The following ADAMTSL1 variants were observed in gnomAD, a reference collection of about 807,000 sequenced individuals.
ADAMTSL1 encodes the protein ADAMTS-like protein 1.
Under a neutral mutation model 201.8 loss-of-function variants are expected in ADAMTSL1, and 126 were observed. The observed-to-expected ratio is 0.62, with a 90% CI of 0.54 to 0.72. The LOEUF (loss-of-function observed/expected upper bound fraction) is 0.72, where lower values mean the gene tolerates loss of function less well. ADAMTSL1 is among the 30% of genes least tolerant of loss of function. The pLI is 0.00. For missense variants in ADAMTSL1, 2,679 were observed against 2,277.8 expected (o/e 1.18, Z -3.59); for synonymous variants, 1,121 against 903.4 (o/e 1.24, Z -4.32).
chr9:17,947,484 T>C (rs1331045124), intron 1 of ADAMTSL1, among the ~76,000 whole-genome samples: 1 of 152,094 alleles, frequency 6.6e-6, no homozygotes, highest in Admixed American at 6.6e-5. Context: ...TAGGATGCTG[T>C]ATTCTACCAA....
At chr9:18,714,828 A>G (rs931908342) in intron 14 of ADAMTSL1, among the ~76,000 whole-genome samples, 1 of 151,814 alleles carries the variant, frequency 6.6e-6, no homozygotes, top group Non-Finnish European at 1.5e-5. Flanking sequence ...TCCTTGATGA[A>G]CATTGATGCA....
chr9:18,705,463 T>C (rs1030699405), intron 13 of ADAMTSL1, among the ~76,000 whole-genome samples: 2 of 152,152 alleles, frequency 1.3e-5, no homozygotes, highest in African/African-American at 4.8e-5. Flanking sequence ...GAGGACATTT[T>C]TGGAGATTTG....
At chr9:18,483,576 C>G (rs10810973) in intron 1 of ADAMTSL1, among the ~76,000 whole-genome samples, 89,575 of 152,012 alleles carry the variant, frequency 0.59, 26,711 homozygotes, top group African/African-American at 0.67. Context: ...ACCTGTAATC[C>G]CAGCACTTTG....
intron 17 of ADAMTSL1, among the ~76,000 whole-genome samples, chr9:18,772,696 A>G (rs984471384): frequency 6.6e-6 from 1 of 152,228 alleles, no homozygotes; most frequent in Non-Finnish European, 1.5e-5. Flanking sequence ...TGTGCCTACT[A>G]AAAGTGAACC....
chr9:18,474,065 C>A (rs1821328305), upstream of ADAMTSL1: 1 of 586,188 alleles, frequency 1.7e-6, no homozygotes, highest in Non-Finnish European at 3.0e-6. Flanking sequence ...TTCAGCTTAC[C>A]CCCCACCCAT....
intron 7 of ADAMTSL1, among the ~76,000 whole-genome samples, chr9:18,655,806 T>TAAAAAAAAAAAAAAAAAAAAAAAAA (rs56662538): frequency 2.0e-4 from 16 of 81,844 alleles, no homozygotes; most frequent in Non-Finnish European, 2.3e-4. Context: ...TTTGTGAGCT[T>TAAAAAAAAAAAAAAAAAAAAAAAAA]AAAAAAAAAA....
intron 1 of ADAMTSL1, among the ~76,000 whole-genome samples, chr9:18,131,850 T>A (rs977624062): frequency 2.0e-5 from 3 of 152,128 alleles, no homozygotes; most frequent in Admixed American, 2.0e-4. Context: ...TCCCTAAGGT[T>A]TCTTCATCTA....
intron 1 of ADAMTSL1, among the ~76,000 whole-genome samples, chr9:18,136,245 TTAAG>T (rs1440499272): frequency 6.6e-6 from 1 of 152,178 alleles, no homozygotes; most frequent in African/African-American, 2.4e-5. Context: ...GAGAGTCTAA[TTAAG>T]AACGTCAGAG....
At chr9:18,618,552 G>A (rs1267352841) in intron 4 of ADAMTSL1, among the ~76,000 whole-genome samples, 3 of 150,476 alleles carry the variant, frequency 2.0e-5, no homozygotes, top group Non-Finnish European at 3.0e-5. Flanking sequence ...AATAATAGTG[G>A]CTTAGACACA....
rs1824413909 is a variant in ADAMTSL1, at chr9:18,099,372, T to TA, written c.88-64488dup. 3.1e-5 allele frequency among the ~76,000 whole-genome samples: 4 copies of TA among 128,740 alleles called. No homozygotes were observed. In the East Asian group the frequency reaches 6.6e-4, roughly 21 times the overall value. 84.5% of individuals were successfully genotyped at this position (128,740 alleles called of 152,430 possible). Reference sequence around the variant, plus strand: ...ATATATATATTTTTTTTTTTTTTTTTAACATCCATTAATTTTACTAGGCTA... The same window carrying TA: ...ATATATATATTTTTTTTTTTTTTTTTAAACATCCATTAATTTTACTAGGCTA... On this transcript the variant is annotated intron_variant, in intron 1 of 29. Transcript: ENST00000680146.
At chr9:18,193,403 C>G (rs779845506) in intron 2 of ADAMTSL1, among the ~76,000 whole-genome samples, 1 of 152,144 alleles carries the variant, frequency 6.6e-6, no homozygotes, top group Non-Finnish European at 1.5e-5. Flanking sequence ...GGAACAGTTA[C>G]AGTAGGATCC....
intron 12 of ADAMTSL1, 94 bp from the exon 13 acceptor site, chr9:18,684,622 T>C: frequency 2.2e-6 from 3 of 1,390,814 alleles, no homozygotes; most frequent in Non-Finnish European, 2.9e-6. Context: ...TTGGTCAACG[T>C]AGTAACTTCT....
At chr9:18,357,804 A>G (rs1042854863) in intron 2 of ADAMTSL1, among the ~76,000 whole-genome samples, 1 of 152,174 alleles carries the variant, frequency 6.6e-6, no homozygotes, top group Non-Finnish European at 1.5e-5. Context: ...ATTTACAATT[A>G]TGCAGCCTCC....
chr9:18,238,709 C>T (rs115274877), intron 2 of ADAMTSL1, among the ~76,000 whole-genome samples: 282 of 152,058 alleles, frequency 1.9e-3, no homozygotes, highest in Admixed American at 3.0e-3. Context: ...TGTGAATTGA[C>T]GATTTATGTT....
intron 13 of ADAMTSL1, among the ~76,000 whole-genome samples, chr9:18,705,203 T>A (rs954637681): frequency 1.3e-5 from 2 of 152,220 alleles, no homozygotes; most frequent in Non-Finnish European, 2.9e-5. Context: ...AACCTTCTTA[T>A]CAGTTCTTTC....
intron 4 of ADAMTSL1, among the ~76,000 whole-genome samples, chr9:18,613,981 C>T (rs1046874681): frequency 3.9e-5 from 6 of 152,132 alleles, no homozygotes; most frequent in Admixed American, 1.3e-4. Flanking sequence ...TTTTCTCAAA[C>T]GAAGACTTCA....
chr9:18,596,004 G>T (rs1382933886), intron 4 of ADAMTSL1, among the ~76,000 whole-genome samples: 6 of 152,168 alleles, frequency 3.9e-5, no homozygotes, highest in Non-Finnish European at 8.8e-5. Context: ...GTGCAGAATT[G>T]TTGTTGTGGG....
rs550327337 is a variant in ADAMTSL1 at position 18,035,110 on chromosome 9, A to G, written c.87+128188A>G. 6.6e-5 allele frequency among the ~76,000 whole-genome samples: 10 copies of G among 152,286 alleles called. 1 individual carries two copies. Among genetic ancestry groups the G allele is most frequent in the African/African-American group, 2.4e-4 (10 of 41,586 alleles). ...AAAAGATATTTTAATAATTAAAATT[A>G]TCTTTATCAAAGGATAAATTGTGCT... is the stretch of plus-strand genomic sequence containing the variant. On this transcript the variant is annotated intron_variant, in intron 1 of 29. Transcript: ENST00000680146.
intron 23 of ADAMTSL1, among the ~76,000 whole-genome samples, chr9:18,834,389 TGGA>T (rs1825184951): frequency 1.3e-5 from 2 of 152,142 alleles, no homozygotes; most frequent in African/African-American, 4.8e-5. Context: ...GTTCTCTTTG[TGGA>T]GATCTTTCAC....
Sources: gnomAD v4.1 joint callset for allele counts (sites outside exome capture counted in the v4.1 genomes callset) on GRCh38, gnomAD v4.1.1 for gene constraint, MANE v1.5 for transcripts, NCBI Gene and HGNC (gene_info 2026-07-23, HGNC 2026-07-21) for gene names.